IGF2BP2: variants seen among roughly 807,000 people sequenced by gnomAD.
The protein encoded by IGF2BP2 is insulin like growth factor 2 mRNA binding protein 2, also known as insulin-like growth factor 2 mRNA-binding protein 2.
In IGF2BP2, 17 loss-of-function variants were observed where a neutral mutation model predicts 75.8. The observed-to-expected ratio is 0.22, with a 90% CI of 0.15 to 0.34. The LOEUF is 0.34. Ranked by LOEUF, IGF2BP2 falls within the 10% of genes least tolerant of loss-of-function variation. The pLI is 1.00. For synonymous variants in IGF2BP2, 288 were observed against 295.6 expected, an observed-to-expected ratio of 0.97 and a Z score of 0.26; for missense variants, 516 against 772.4, an observed-to-expected ratio of 0.67 and a Z score of 3.93.
intron 10 of IGF2BP2, among the ~76,000 whole-genome samples, chr3:185,668,698 G>T (rs1007387725): frequency 6.6e-6 from 1 of 151,524 alleles, no homozygotes; most frequent in Non-Finnish European, 1.5e-5. Flanking sequence ...AATATCTGTT[G>T]AAAATATTTA....
chr3:185,714,420 T>C lies in IGF2BP2; in HGVS notation c.240-16073A>G, dbSNP rs553453318. Among the ~76,000 whole-genome samples the C allele has an allele frequency of 5.3e-5, 8 of 152,344 alleles. No homozygotes were observed. In the South Asian group the frequency reaches 1.2e-3, roughly 24 times the overall value. On this transcript the variant is annotated intron_variant, in intron 2 of 15. Coordinates refer to ENST00000382199, the MANE Select transcript of IGF2BP2 (RefSeq NM_006548.6). ...ATCCATCCATCTCACTTTGCACGTGTGAGCATATCTTGGAAGATAAACTCC... is the reference window on the plus strand; with the variant it reads ...ATCCATCCATCTCACTTTGCACGTGCGAGCATATCTTGGAAGATAAACTCC...
At chr3:185,751,890 A>G (rs12636352) in intron 2 of IGF2BP2, among the ~76,000 whole-genome samples, 106,299 of 151,778 alleles carry the variant, frequency 0.7, 38,249 homozygotes, top group African/African-American at 0.86. Flanking sequence ...AGGAACCCGC[A>G]AGGCAGAGTT....
Position 185,725,834 on chromosome 3 carries a change from G to A in IGF2BP2, c.240-27487C>T, listed in dbSNP as rs1032344034. On this transcript the variant is annotated intron_variant, in intron 2 of 15. Transcript: ENST00000382199. ...TAAAAATTTTTTTAAAAAATTAGTC[G>A]GGCATGTGTGCTTGTAGTCCCAGTT... 2.6e-5 allele frequency among the ~76,000 whole-genome samples: 4 copies of A among 152,102 alleles called. No homozygotes were observed. The East Asian group carries it at 5.8e-4, about 22-fold the overall frequency.
chr3:185,694,318 C>T (rs1465716629), intron 4 of IGF2BP2, among the ~76,000 whole-genome samples: 23 of 152,190 alleles, frequency 1.5e-4, no homozygotes, highest in Non-Finnish European at 1.5e-5. Context: ...TGTAGACTCC[C>T]AGAAAGGGCT....
chr3:185,720,408 G>A (rs1283485424), intron 2 of IGF2BP2, among the ~76,000 whole-genome samples: 2 of 152,140 alleles, frequency 1.3e-5, no homozygotes, highest in East Asian at 1.9e-4. Flanking sequence ...GTAATGGTGC[G>A]ATCTCGACTC....
At chr3:185,690,041 G>A (rs1721740807) in intron 5 of IGF2BP2, among the ~76,000 whole-genome samples, 1 of 151,840 alleles carries the variant, frequency 6.6e-6, no homozygotes, top group South Asian at 2.1e-4. Flanking sequence ...TGCCTATATG[G>A]TGCCATGCCA....
intron 5 of IGF2BP2, 51 bp from the exon 6 acceptor site, chr3:185,689,678 G>A (rs752126537): frequency 5.6e-6 from 9 of 1,612,228 alleles, no homozygotes; most frequent in Non-Finnish European, 7.6e-6. Flanking sequence ...CATCAAGAAA[G>A]ACCCTCCCGG....
intron 10 of IGF2BP2, among the ~76,000 whole-genome samples, chr3:185,659,435 G>A (rs1202467074): frequency 5.3e-5 from 8 of 152,144 alleles, no homozygotes; most frequent in South Asian, 4.1e-4. Flanking sequence ...GTGAAGTGGC[G>A]CGATCTCGGC....
chr3:185,683,337 G>A (rs758323528), intron 7 of IGF2BP2, among the ~76,000 whole-genome samples: 3 of 152,114 alleles, frequency 2.0e-5, no homozygotes, highest in Non-Finnish European at 4.4e-5. Flanking sequence ...AGATGAAAAG[G>A]TTCTGGAGAT....
chr3:185,799,044 G>C (rs553417942), intron 2 of IGF2BP2, among the ~76,000 whole-genome samples: 32 of 151,456 alleles, frequency 2.1e-4, no homozygotes, highest in African/African-American at 7.2e-4. Context: ...CCAAAGTGCT[G>C]AGATTACAGG....
rs113231076 is a variant in IGF2BP2 at position 185,644,305 on chromosome 3, T to C, written c.*1226A>G. ...GCCAACAACCTTGGTAAATTTCTAC[T>C]TTCCTCCACATTTTTTTTTTTTAAA... On this transcript the variant is annotated 3_prime_UTR_variant, in exon 16 of 16. Coordinates refer to ENST00000382199, the MANE Select transcript of IGF2BP2 (RefSeq NM_006548.6). The C allele has an allele frequency of 4.2e-4, 64 of 152,632 alleles. No homozygotes were observed. Among genetic ancestry groups the C allele is most frequent in the Middle Eastern group, 3.4e-3 (1 of 294 alleles). 9.5% of individuals were successfully genotyped at this position (152,632 alleles called of 1,614,324 possible). A position where few individuals can be genotyped will look rare whatever the true frequency, so the allele number is the denominator to read the frequency against.
At chr3:185,815,719 CCTT>C (rs2150037299) in intron 2 of IGF2BP2, among the ~76,000 whole-genome samples, 1 of 152,254 alleles carries the variant, frequency 6.6e-6, no homozygotes, top group East Asian at 1.9e-4. Flanking sequence ...TTGGAAATAA[CCTT>C]CTTTCACCTA....
chr3:185,717,081 G>T, intron 2 of IGF2BP2: 1 of 271,476 alleles, frequency 3.7e-6, no homozygotes, highest in Non-Finnish European at 7.3e-6. Context: ...GGTCATTTCA[G>T]ATCATCTGAA....
rs374302131 is a variant in IGF2BP2 at position 185,782,182 on chromosome 3, T to C, written c.239+40971A>G. Among the ~76,000 whole-genome samples the C allele has an allele frequency of 1.8e-4, 28 of 152,290 alleles. 2 individuals carry two copies. Among genetic ancestry groups the C allele is most frequent in the Admixed American group, 1.2e-3 (19 of 15,284 alleles). On this transcript the variant is annotated intron_variant, in intron 2 of 15. Transcript: ENST00000382199. ...AAGAGATGGCCCTAGTAGTGAGTAC[T>C]GCTAAAAACACCCTCTTTGTGCCAG...
At chr3:185,704,355 G>A (rs1224364309) in intron 2 of IGF2BP2, among the ~76,000 whole-genome samples, 1 of 152,138 alleles carries the variant, frequency 6.6e-6, no homozygotes, top group African/African-American at 2.4e-5. Context: ...TGGTCACTCT[G>A]TACAAGGGAC....
Position 185,821,158 on chromosome 3 carries a change from T to A in IGF2BP2, c.239+1995A>T, listed in dbSNP as rs970276189. On this transcript the variant is annotated intron_variant, in intron 2 of 15. Coordinates refer to ENST00000382199, the MANE Select transcript of IGF2BP2 (RefSeq NM_006548.6). Reference sequence around the variant, plus strand: ...CAGTACAAGTAGCTAATTTCTGCATTTAAACTAATAAAGGAAAGGAAAAAA... The same window carrying A: ...CAGTACAAGTAGCTAATTTCTGCATATAAACTAATAAAGGAAAGGAAAAAA... 8.0e-5 allele frequency: 117 copies of A among 1,455,604 alleles called. No homozygotes were observed. In the African/African-American group the frequency reaches 1.6e-3, roughly 20 times the overall value. 90.2% of individuals were successfully genotyped at this position (1,455,604 alleles called of 1,614,324 possible). A position where few individuals can be genotyped will look rare whatever the true frequency, so the allele number is the denominator to read the frequency against.
chr3:185,734,071 C>T (rs1002934766), intron 2 of IGF2BP2, among the ~76,000 whole-genome samples: 1 of 152,178 alleles, frequency 6.6e-6, no homozygotes. Flanking sequence ...CCCCTTACTT[C>T]GCCACAAGAG....
At chr3:185,798,872 G>A (rs1328370824) in intron 2 of IGF2BP2, among the ~76,000 whole-genome samples, 1 of 150,548 alleles carries the variant, frequency 6.6e-6, no homozygotes, top group African/African-American at 2.5e-5. Context: ...TGGCTCCCAG[G>A]CTCAAGCAAC....
chr3:185,818,849 T>C lies in IGF2BP2; in HGVS notation c.239+4304A>G, dbSNP rs192998311. Among the ~76,000 whole-genome samples the C allele has an allele frequency of 5.3e-5, 8 of 152,262 alleles. No individual in the cohort carries two copies. In the East Asian group the frequency reaches 1.5e-3, roughly 29 times the overall value. On this transcript the variant is annotated intron_variant, in intron 2 of 15. Coordinates refer to ENST00000382199, the MANE Select transcript of IGF2BP2 (RefSeq NM_006548.6). ...CTATCCTTTTATGCATAATTCAAAATCATTTACATTTCCTCAACACAGTAC... is the reference window on the plus strand; with the variant it reads ...CTATCCTTTTATGCATAATTCAAAACCATTTACATTTCCTCAACACAGTAC...
Sources: gnomAD v4.1 joint callset for allele counts (sites outside exome capture counted in the v4.1 genomes callset) on GRCh38, gnomAD v4.1.1 for gene constraint, MANE v1.5 for transcripts, NCBI Gene and HGNC (gene_info 2026-07-23, HGNC 2026-07-21) for gene names.